Variants in GPBP1 observed in about 807,000 individuals in gnomAD.
GPBP1 encodes the protein GC-rich promoter binding protein 1.
In GPBP1, 13 loss-of-function variants were observed where a neutral mutation model predicts 56.5. That is an observed-to-expected ratio of 0.23 (90% CI 0.15 to 0.37). The LOEUF (loss-of-function observed/expected upper bound fraction) is 0.37. Ranked by LOEUF, GPBP1 falls within the 10% of genes least tolerant of loss-of-function variation. GPBP1 has a pLI of 1.00. For missense variants in GPBP1, 477 were observed against 572.3 expected, an observed-to-expected ratio of 0.83 and a Z score of 1.70; for synonymous variants, 204 against 188.9, an observed-to-expected ratio of 1.08 and a Z score of -0.66.
Position 57,175,733 on chromosome 5 carries a change from C to G in GPBP1, c.-725C>G. 1 of 396,640 alleles carries G rather than the reference C, an allele frequency of 2.5e-6. No individual in the cohort carries two copies. The highest frequency in any genetic ancestry group is 4.4e-6 in the Non-Finnish European group (1 of 225,384). The allele number at this position is 396,640 out of a possible 1,614,324, so 24.6% of individuals were successfully genotyped here. A position where few individuals can be genotyped will look rare whatever the true frequency, so the allele number is the denominator to read the frequency against. ...TGGTAATTTTTGCCTCCCCTTCCCC[C>G]ACCCCGTTGTTGGGGTTCTTCAGCC... On this transcript the variant is annotated 5_prime_UTR_variant, in exon 2 of 12. Transcript: ENST00000506184.
At chr5:57,220,951 G>A (rs773836957) in intron 3 of GPBP1, among the ~76,000 whole-genome samples, 2 of 151,916 alleles carry the variant, frequency 1.3e-5, no homozygotes, top group Admixed American at 1.3e-4. Flanking sequence ...TACCCACATC[G>A]TTTCTCTTTT....
At chr5:57,203,680 C>T (rs74546111) in intron 2 of GPBP1, among the ~76,000 whole-genome samples, 2,337 of 152,172 alleles carry the variant, frequency 0.015, 137 homozygotes, top group East Asian at 0.097. Flanking sequence ...AAGGTGCTGA[C>T]AGCTTAAGAG....
At chr5:57,252,897 T>C (rs992856554) in intron 10 of GPBP1, among the ~76,000 whole-genome samples, 1 of 151,676 alleles carries the variant, frequency 6.6e-6, no homozygotes, top group Admixed American at 6.6e-5. Flanking sequence ...TTAGTAGAGA[T>C]GGGATTTCAT....
intron 10 of GPBP1, among the ~76,000 whole-genome samples, 162 bp from the exon 11 acceptor site, chr5:57,261,018 T>G (rs111719852): frequency 3.9e-5 from 6 of 152,362 alleles, no homozygotes; most frequent in African/African-American, 1.4e-4. Context: ...TTATTCATTT[T>G]CAGAAAGATA....
At chr5:57,191,392 C>T (rs1447346011) in intron 2 of GPBP1, among the ~76,000 whole-genome samples, 1 of 151,992 alleles carries the variant, frequency 6.6e-6, no homozygotes, top group African/African-American at 2.4e-5. Context: ...CCGTGCCTGG[C>T]CTTGCTCTTA....
chr5:57,243,281 G>T (rs1740919960), intron 6 of GPBP1, among the ~76,000 whole-genome samples: 1 of 152,086 alleles, frequency 6.6e-6, no homozygotes, highest in African/African-American at 2.4e-5. Context: ...TGGCCAGGCT[G>T]GTCTTGAACT....
chr5:57,241,019 T>C (rs886582196), intron 6 of GPBP1, among the ~76,000 whole-genome samples: 1 of 152,058 alleles, frequency 6.6e-6, no homozygotes, highest in African/African-American at 2.4e-5. Flanking sequence ...TATTTGGTCA[T>C]GTCACAGGTG....
intron 2 of GPBP1, among the ~76,000 whole-genome samples, chr5:57,183,266 C>T (rs1200545229): frequency 6.6e-6 from 1 of 152,156 alleles, no homozygotes; most frequent in African/African-American, 2.4e-5. Context: ...ACTTGAGAGG[C>T]TGAGGCAGGA....
At chr5:57,221,538 C>T (rs2111804865) in intron 3 of GPBP1, 11 of 566,530 alleles carry the variant, frequency 1.9e-5, no homozygotes, top group East Asian at 3.0e-5. Flanking sequence ...TGAAAGATTT[C>T]GGGGTTGTGG....
intron 8 of GPBP1, among the ~76,000 whole-genome samples, chr5:57,247,653 C>G (rs1329590790): frequency 6.6e-6 from 1 of 152,064 alleles, no homozygotes; most frequent in African/African-American, 2.4e-5. Flanking sequence ...CCACTGTACT[C>G]AAACCTGGGC....
At chr5:57,189,707 C>T (rs1754437589) in intron 2 of GPBP1, among the ~76,000 whole-genome samples, 1 of 152,152 alleles carries the variant, frequency 6.6e-6, no homozygotes, top group East Asian at 1.9e-4. Context: ...AATGTCTTTC[C>T]ATTGGATCTA....
At chr5:57,242,164 A>T (rs372781041) in intron 6 of GPBP1, among the ~76,000 whole-genome samples, 11 of 152,308 alleles carry the variant, frequency 7.2e-5, no homozygotes, top group African/African-American at 2.6e-4. Flanking sequence ...TCTTACTCTT[A>T]CCAGTCAACC....
chr5:57,248,483 A>G (rs981083082), intron 8 of GPBP1, among the ~76,000 whole-genome samples: 2 of 133,164 alleles, frequency 1.5e-5, no homozygotes, highest in Non-Finnish European at 3.0e-5. Flanking sequence ...GCTGGAGTGC[A>G]GTGGCGGGAT....
At chr5:57,232,413 G>A (rs1020466102) in intron 5 of GPBP1, among the ~76,000 whole-genome samples, 35 of 152,230 alleles carry the variant, frequency 2.3e-4, no homozygotes, top group African/African-American at 7.7e-4. Flanking sequence ...AGAAATCAAC[G>A]TACTTTATGT....
In GPBP1 at chr5:57,231,231, C is replaced by T. The variant is rs1206148530; in HGVS notation, c.321C>T (p.Ser107=). 2 of 1,613,876 alleles carry T rather than the reference C, an allele frequency of 1.2e-6. No homozygotes were observed. Among genetic ancestry groups the T allele is most frequent in the Non-Finnish European group, 1.7e-6 (2 of 1,179,980 alleles). The part of the protein sequence containing the change: ...SRSSIFHAGK[S]QGLHENNIPD... ...GCAGTATTTTCCATGCAGGAAAAAG[C>T]CAAGGACTACATGAAAACAACATAC... is the stretch of plus-strand genomic sequence containing the variant. The change falls in exon 5 of 12, where the codon AGC becomes AGT. Residue 107 remains serine (S), a synonymous_variant. Transcript: ENST00000506184.
At chr5:57,238,021 C>A (rs1409686767) in intron 6 of GPBP1, among the ~76,000 whole-genome samples, 1 of 152,034 alleles carries the variant, frequency 6.6e-6, no homozygotes, top group Non-Finnish European at 1.5e-5. Context: ...ACTGGAAACA[C>A]CCTCATGCAG....
At chr5:57,242,830 A>C (rs969397952) in intron 6 of GPBP1, among the ~76,000 whole-genome samples, 1 of 151,762 alleles carries the variant, frequency 6.6e-6, no homozygotes, top group Admixed American at 6.6e-5. Flanking sequence ...TCTCACTGCA[A>C]CCTCTGCCTC....
chr5:57,185,935 A>G (rs1754266443), intron 2 of GPBP1, among the ~76,000 whole-genome samples: 2 of 151,784 alleles, frequency 1.3e-5, no homozygotes, highest in South Asian at 4.1e-4. Context: ...AGCCTGGACG[A>G]TGAGAGTGAA....
At chr5:57,187,199 G>A (rs1754330036) in intron 2 of GPBP1, among the ~76,000 whole-genome samples, 2 of 152,068 alleles carry the variant, frequency 1.3e-5, no homozygotes, top group African/African-American at 4.8e-5. Context: ...GTGGGTGTGT[G>A]AAGTAAGACC....
Sources: allele counts gnomAD v4.1 joint callset (sites outside exome capture counted in the v4.1 genomes callset), GRCh38; gene constraint gnomAD v4.1.1; transcripts MANE v1.5; gene names NCBI Gene and HGNC (gene_info 2026-07-23, HGNC 2026-07-21).